PTPRT: variants seen among roughly 807,000 people sequenced by gnomAD.
PTPRT encodes the protein protein tyrosine phosphatase receptor type T, also known as receptor-type tyrosine-protein phosphatase T.
PTPRT carries 56 observed loss-of-function variants against 176.8 expected under a neutral mutation model. That is an observed-to-expected ratio of 0.32 (90% CI 0.26 to 0.40). The LOEUF is 0.40. Ranked by LOEUF, PTPRT falls within the 10% of genes least tolerant of loss-of-function variation. The pLI is 1.00. For missense variants in PTPRT, 1,540 were observed against 1,908.2 expected, an observed-to-expected ratio of 0.81 and a Z score of 3.60; for synonymous variants, 783 against 739.0, an observed-to-expected ratio of 1.06 and a Z score of -0.96.
At chr20:43,021,300 CAT>C (rs975633322) in intron 1 of PTPRT, among the ~76,000 whole-genome samples, 13 of 152,114 alleles carry the variant, frequency 8.5e-5, no homozygotes, top group African/African-American at 1.7e-4. Context: ...TTCCTAAACA[CAT>C]GTTACCTCAA....
intron 14 of PTPRT, 73 bp from the exon 15 acceptor site, chr20:42,236,331 A>G: frequency 8.0e-7 from 1 of 1,255,404 alleles, no homozygotes; most frequent in Non-Finnish European, 1.2e-6. Context: ...ACAAACAAGA[A>G]TTAGATTTTT....
Position 42,521,029 on chromosome 20 carries a change from C to G in PTPRT, c.1154-48467G>C, listed in dbSNP as rs1392353051. 4.6e-5 allele frequency among the ~76,000 whole-genome samples: 7 copies of G among 151,606 alleles called. No individual in the cohort carries two copies. In the East Asian group the frequency reaches 1.2e-3, roughly 26 times the overall value. Reference sequence around the variant, plus strand: ...CTATCATCTACCTATCTAATCCATCCATCCATCCATCCACCCACCCACCTA... The same window carrying G: ...CTATCATCTACCTATCTAATCCATCGATCCATCCATCCACCCACCCACCTA... On this transcript the variant is annotated intron_variant, in intron 7 of 30. Coordinates refer to ENST00000373187, the MANE Select transcript of PTPRT (RefSeq NM_007050.6).
At chr20:42,560,060 A>C (rs1292298235) in intron 7 of PTPRT, among the ~76,000 whole-genome samples, 1 of 152,178 alleles carries the variant, frequency 6.6e-6, no homozygotes, top group African/African-American at 2.4e-5. Context: ...GCACAGATGA[A>C]AAAAGAACAA....
At chr20:42,521,567 A>G (rs2072177115) in intron 7 of PTPRT, among the ~76,000 whole-genome samples, 1 of 152,152 alleles carries the variant, frequency 6.6e-6, no homozygotes, top group Non-Finnish European at 1.5e-5. Context: ...TTTTCCATAG[A>G]ATATTTATTT....
At chr20:42,861,522 G>A (rs947664135) in intron 2 of PTPRT, among the ~76,000 whole-genome samples, 11 of 151,986 alleles carry the variant, frequency 7.2e-5, no homozygotes, top group African/African-American at 1.4e-4. Context: ...TGTGTTGCTT[G>A]TTGTGCTAGA....
At chr20:43,079,217 TC>T (rs1176906811) in intron 1 of PTPRT, among the ~76,000 whole-genome samples, 1 of 105,454 alleles carries the variant, frequency 9.5e-6, no homozygotes, top group Non-Finnish European at 1.8e-5. Flanking sequence ...TATTTCTCTC[TC>T]CCCCCTGTCC....
At chr20:42,130,277 C>T (rs759728099) in intron 18 of PTPRT, among the ~76,000 whole-genome samples, 19 of 152,204 alleles carry the variant, frequency 1.2e-4, no homozygotes, top group Non-Finnish European at 2.5e-4. Flanking sequence ...CAAGGAGACA[C>T]TGCCTGCCCT....
intron 9 of PTPRT, among the ~76,000 whole-genome samples, chr20:42,415,165 A>G (rs2059053617): frequency 6.6e-6 from 1 of 152,166 alleles, no homozygotes; most frequent in Non-Finnish European, 1.5e-5. Context: ...ACCATAGGCA[A>G]GTTGCTTACT....
intron 6 of PTPRT, among the ~76,000 whole-genome samples, chr20:42,710,241 G>A (rs1002109744): frequency 7.2e-5 from 11 of 152,198 alleles, no homozygotes; most frequent in South Asian, 2.1e-4. Context: ...TGACTAAAAG[G>A]GAGACAAGGG....
intron 9 of PTPRT, among the ~76,000 whole-genome samples, chr20:42,420,178 C>G (rs916122998): frequency 6.6e-6 from 1 of 152,152 alleles, no homozygotes. Context: ...TGTCTGTCAT[C>G]AGTTATGACA....
Position 42,098,547 on chromosome 20 carries a change from G to A in PTPRT, c.3720C>T (p.His1240=), listed in dbSNP as rs748125327. The A allele has an allele frequency of 6.2e-7, 1 of 1,614,138 alleles. No homozygotes were observed. Among genetic ancestry groups the A allele is most frequent in the East Asian group, 2.2e-5 (1 of 44,874 alleles). The change falls in exon 27 of 31, where the codon CAC becomes CAT. Residue 1240 remains histidine (H), a synonymous_variant. Transcript: ENST00000373187. The part of the protein sequence containing the change: ...NYINAALMDS[H]KQPAAFVVTQ... ...TGACCACGAAGGCGGCAGGCTGCTT[G>A]TGGCTCTGACAAAGGAATGACACAG...
At chr20:42,731,641 C>T (rs2146264856) in intron 6 of PTPRT, among the ~76,000 whole-genome samples, 1 of 152,312 alleles carries the variant, frequency 6.6e-6, no homozygotes, top group East Asian at 1.9e-4. Flanking sequence ...GAGCTAACAG[C>T]TAGGAGACAT....
intron 5 of PTPRT, among the ~76,000 whole-genome samples, chr20:42,765,995 A>G (rs1167490997): frequency 2.0e-5 from 3 of 152,180 alleles, no homozygotes; most frequent in African/African-American, 7.2e-5. Context: ...TACTCATTGG[A>G]AAAATATGCA....
chr20:42,706,608 T>G (rs1036046287), intron 6 of PTPRT, among the ~76,000 whole-genome samples: 2 of 152,172 alleles, frequency 1.3e-5, no homozygotes, highest in Non-Finnish European at 2.9e-5. Context: ...AAATTTAGTT[T>G]CTTCTTTCTT....
chr20:42,696,802 C>T (rs868242914), intron 6 of PTPRT, among the ~76,000 whole-genome samples: 1 of 152,068 alleles, frequency 6.6e-6, no homozygotes, highest in African/African-American at 2.4e-5. Flanking sequence ...AGGAGCTCTG[C>T]GAGCTTGGGA....
intron 3 of PTPRT, among the ~76,000 whole-genome samples, chr20:42,787,112 A>G (rs993991844): frequency 3.3e-5 from 5 of 152,250 alleles, no homozygotes; most frequent in African/African-American, 1.2e-4. Context: ...TTGTAAAGAC[A>G]AAAATGTTTT....
At chr20:42,142,419 A>G (rs1248347035) in intron 17 of PTPRT, among the ~76,000 whole-genome samples, 1 of 152,222 alleles carries the variant, frequency 6.6e-6, no homozygotes, top group African/African-American at 2.4e-5. Flanking sequence ...AAAAGAGTAA[A>G]TGTGTAATTT....
the PTPRT span, among the ~76,000 whole-genome samples, chr20:42,059,244 C>A: frequency 2.6e-5 from 4 of 152,256 alleles, no homozygotes; most frequent in African/African-American, 7.2e-5. Context: ...CCCTGCTCTG[C>A]CTTCCTCACA....
chr20:43,152,210 A>C (rs1483477318), intron 1 of PTPRT, among the ~76,000 whole-genome samples: 2 of 152,080 alleles, frequency 1.3e-5, no homozygotes, highest in African/African-American at 4.8e-5. Context: ...AAGTTAGCCA[A>C]GAAAAAAAAA....
Sources: gnomAD v4.1 joint callset for allele counts (sites outside exome capture counted in the v4.1 genomes callset) on GRCh38, gnomAD v4.1.1 for gene constraint, MANE v1.5 for transcripts, NCBI Gene and HGNC (gene_info 2026-07-23, HGNC 2026-07-21) for gene names.